DOP1B: variants seen among roughly 807,000 people sequenced by gnomAD.
DOP1B encodes DOP1 leucine zipper like protein B, also known as protein DOP1B.
Under a neutral mutation model 233.5 loss-of-function variants are expected in DOP1B, and 174 were observed. The ratio of observed to expected loss-of-function variants is 0.75; its 90% confidence interval spans 0.66 to 0.85. DOP1B has a LOEUF of 0.85. DOP1B is among the 40% of genes least tolerant of loss of function. DOP1B has a pLI of 0.00. For synonymous variants in DOP1B, 1,190 were observed against 1,185.6 expected, an observed-to-expected ratio of 1.00 and a Z score of -0.08; for missense variants, 2,652 against 2,846.6, an observed-to-expected ratio of 0.93 and a Z score of 1.56.
chr21:36,267,814 A>T (rs1035589450), intron 26 of DOP1B, among the ~76,000 whole-genome samples: 1 of 152,022 alleles, frequency 6.6e-6, no homozygotes, highest in Non-Finnish European at 1.5e-5. Flanking sequence ...TAGGACCGTG[A>T]TGCCCTCCTG....
At position 36,245,311 on chromosome 21, in the gene DOP1B, GAGTCTGCAGATACA is replaced by G; in HGVS notation, c.3334_3347del (p.Ser1112LeufsTer74). On this transcript the variant is annotated frameshift_variant, in exon 19 of 37. Transcript: ENST00000691173. LOFTEE classifies it high-confidence loss of function. This position sits in a 1 kb window ranked among gnomAD's most constrained non-coding sequence, Gnocchi z 5.5. ...CGCCCCGGACAGCAGCGAGCACACC[GAGTCTGCAGATACA>G]AGCTCCTGCCACACGGACAGCGAGA... is the stretch of plus-strand genomic sequence containing the variant. The G allele has an allele frequency of 6.2e-7, 1 of 1,614,094 alleles. No homozygotes were observed. Among genetic ancestry groups the G allele is most frequent in the Middle Eastern group, 1.6e-4 (1 of 6,062 alleles).
At position 36,251,264 on chromosome 21, in the gene DOP1B, C is replaced by T. The variant is rs1262760950; in HGVS notation, c.5101C>T (p.Gln1701Ter). Residue 1701 changes from glutamine (Q) to a stop codon, truncating the protein, a stop_gained, in exon 22 of 37, where the codon CAG (glutamine) becomes TAG (stop). Coordinates refer to ENST00000691173, the MANE Select transcript of DOP1B (RefSeq NM_001320714.2). LOFTEE classifies it high-confidence loss of function. ...GGCAGTGTGGAGCAGAAAGAAAGCC[C>T]AGCGTCACAGTAAGATGAAGGTAAA... ...VAAVWSRKKA[Q>*]RHSKMKIIPT... The T allele has an allele frequency of 1.9e-6, 3 of 1,613,040 alleles. No individual in the cohort carries two copies. Among genetic ancestry groups the T allele is most frequent in the East Asian group, 2.2e-5 (1 of 44,870 alleles).
At chr21:36,260,494 C>T (rs561386371) in intron 23 of DOP1B, among the ~76,000 whole-genome samples, 183 bp from the exon 24 acceptor site, 6 of 152,244 alleles carry the variant, frequency 3.9e-5, no homozygotes, top group Admixed American at 3.9e-4. Context: ...TTTGGGGACT[C>T]ATAGGACACA....
At chr21:36,269,401 C>A (rs141613293) in intron 26 of DOP1B, among the ~76,000 whole-genome samples, 1 of 151,114 alleles carries the variant, frequency 6.6e-6, no homozygotes, top group Non-Finnish European at 1.5e-5. Context: ...GTGATCCGCC[C>A]GCCTCAGCCT....
At chr21:36,236,534 C>T (rs1569040829) in intron 15 of DOP1B, among the ~76,000 whole-genome samples, 1 of 152,224 alleles carries the variant, frequency 6.6e-6, no homozygotes, top group Non-Finnish European at 1.5e-5. Flanking sequence ...CACCAAACTC[C>T]CCAGAGGGTA....
At chr21:36,244,922 T>TG (rs1451198100) in intron 18 of DOP1B, 126 bp from the exon 19 acceptor site, 1 of 910,998 alleles carries the variant, frequency 1.1e-6, no homozygotes, top group Non-Finnish European at 1.6e-6. Context: ...CTGGTGGTGG[T>TG]GTTTCATGTG....
intron 35 of DOP1B, among the ~76,000 whole-genome samples, chr21:36,290,642 T>C (rs2067545453): frequency 1.3e-5 from 2 of 151,896 alleles, no homozygotes; most frequent in African/African-American, 2.4e-5. Flanking sequence ...AATACAAAAT[T>C]AGCTGGGCAT....
intron 2 of DOP1B, among the ~76,000 whole-genome samples, chr21:36,197,123 A>G (rs772373047): frequency 2.6e-5 from 4 of 151,940 alleles, no homozygotes; most frequent in Admixed American, 1.3e-4. Flanking sequence ...TAGTAGAGAC[A>G]GGGTTTCATC....
chr21:36,264,919 G>A (rs1440723094), intron 26 of DOP1B, among the ~76,000 whole-genome samples: 5 of 152,330 alleles, frequency 3.3e-5, no homozygotes, highest in African/African-American at 1.2e-4. Context: ...AAATACGGAA[G>A]TTATGATGAA....
chr21:36,218,622 A>C (rs1251781201), intron 9 of DOP1B, among the ~76,000 whole-genome samples: 1 of 152,194 alleles, frequency 6.6e-6, no homozygotes, highest in East Asian at 1.9e-4. Context: ...TTGTGAAAAG[A>C]AGTGTAAAAG....
At chr21:36,220,844 T>C (rs1036646222) in intron 10 of DOP1B, among the ~76,000 whole-genome samples, 1 of 151,662 alleles carries the variant, frequency 6.6e-6, no homozygotes, top group Non-Finnish European at 1.5e-5. Context: ...AAGGTCTCAC[T>C]CTGTCTCCCA....
intron 2 of DOP1B, among the ~76,000 whole-genome samples, chr21:36,177,681 A>G (rs2066047695): frequency 6.6e-6 from 1 of 152,184 alleles, no homozygotes; most frequent in Admixed American, 6.5e-5. Flanking sequence ...TGGTAGCTAA[A>G]TAAGAAGAGG....
At position 36,246,159 on chromosome 21, in the gene DOP1B, G is replaced by A. The variant is rs759908535; in HGVS notation, c.4179G>A (p.Ala1393=). The A allele has an allele frequency of 1.1e-5, 18 of 1,613,594 alleles. No homozygotes were observed. The highest frequency in any genetic ancestry group is 1.6e-4 in the Middle Eastern group (1 of 6,084). The change falls in exon 19 of 37, where the codon GCG becomes GCA. Residue 1393 remains alanine (A), a synonymous_variant. Transcript: ENST00000691173. The surrounding 1 kb of genome is among the most constrained non-coding windows in gnomAD (Gnocchi z 5.1). Reference sequence around the variant, plus strand: ...AGTTTGTCCTGCTCTCCCTGTCGGCGTCCATGTACACGAGCCAGAAGCGCT... The same window carrying A: ...AGTTTGTCCTGCTCTCCCTGTCGGCATCCATGTACACGAGCCAGAAGCGCT... ...VQEFVLLSLS[A]SMYTSQKRYG...
At chr21:36,236,514 A>G (rs2066828362) in intron 15 of DOP1B, among the ~76,000 whole-genome samples, 1 of 152,132 alleles carries the variant, frequency 6.6e-6, no homozygotes, top group Non-Finnish European at 1.5e-5. Flanking sequence ...CTTGACAACC[A>G]CTGTAAATTC....
chr21:36,190,196 A>G (rs908649433), intron 2 of DOP1B, among the ~76,000 whole-genome samples: 1 of 150,786 alleles, frequency 6.6e-6, no homozygotes, highest in Non-Finnish European at 1.5e-5. Flanking sequence ...ATGGTGGCAC[A>G]TGCCTGTAAT....
chr21:36,281,540 T>C lies in DOP1B; in HGVS notation c.6089T>C (p.Leu2030Ser). 6.2e-7 allele frequency: 1 copy of C among 1,610,536 alleles called. No homozygotes were observed. The highest frequency in any genetic ancestry group is 8.5e-7 in the Non-Finnish European group (1 of 1,176,974). Reference protein sequence around the residue: ...FSSFEQKAMLLKRQAFAVFSG... With the variant: ...FSSFEQKAMLSKRQAFAVFSG... Reference sequence around the variant, plus strand: ...AGTTTTGAACAGAAAGCCATGCTGTTAAAGCGCCAGGCTTTTGCTGTCTTC... The same window carrying C: ...AGTTTTGAACAGAAAGCCATGCTGTCAAAGCGCCAGGCTTTTGCTGTCTTC... Residue 2030 changes from leucine to serine, a missense_variant, in exon 32 of 37, where the codon TTA becomes TCA. Leu to Ser is a moderately radical substitution (Grantham distance 145). This residue lies in a region of DOP1B where 2,617 missense variants were observed against 2,794.3 expected (regional missense o/e 0.94). Coordinates refer to ENST00000691173, the MANE Select transcript of DOP1B (RefSeq NM_001320714.2).
At chr21:36,186,770 A>G (rs761015682) in intron 2 of DOP1B, among the ~76,000 whole-genome samples, 2 of 152,236 alleles carry the variant, frequency 1.3e-5, no homozygotes, top group Non-Finnish European at 2.9e-5. Flanking sequence ...TTCTTCAGTA[A>G]AAGGGGCTGA....
chr21:36,193,989 G>A (rs975752467), intron 2 of DOP1B, among the ~76,000 whole-genome samples: 3 of 152,168 alleles, frequency 2.0e-5, no homozygotes, highest in African/African-American at 7.2e-5. Context: ...ACTTCGTGAG[G>A]TATCACAGTC....
intron 26 of DOP1B, among the ~76,000 whole-genome samples, chr21:36,264,981 T>A (rs1253047651): frequency 1.3e-5 from 2 of 152,220 alleles, no homozygotes; most frequent in Non-Finnish European, 2.9e-5. Flanking sequence ...TTCAGTTGGC[T>A]TTTCTATCAC....
Sources: allele counts gnomAD v4.1 joint callset (sites outside exome capture counted in the v4.1 genomes callset), GRCh38; gene constraint gnomAD v4.1.1; regional missense constraint gnomAD v4.1.1; non-coding constraint Gnocchi (gnomAD v3.1); transcripts MANE v1.5; gene names NCBI Gene and HGNC (gene_info 2026-07-23, HGNC 2026-07-21).